TMEM209: variants seen among roughly 807,000 people sequenced by gnomAD.
TMEM209 encodes transmembrane protein 209, also known as testicular tissue protein Li 202.
A neutral mutation model predicts 76.2 loss-of-function variants in TMEM209; 65 were observed. That is an observed-to-expected ratio of 0.85 (90% CI 0.70 to 1.05). The LOEUF is 1.05. TMEM209 is among the 50% of genes least tolerant of loss of function. The pLI is 0.00. For missense variants in TMEM209, 623 were observed against 685.5 expected, an observed-to-expected ratio of 0.91 and a Z score of 1.02; for synonymous variants, 239 against 237.6, an observed-to-expected ratio of 1.01 and a Z score of -0.06.
chr7:130,187,900 T>C (rs539940884), intron 6 of TMEM209, among the ~76,000 whole-genome samples: 4 of 152,018 alleles, frequency 2.6e-5, no homozygotes, highest in African/African-American at 9.6e-5. Context: ...AGAAATTACA[T>C]CAATCACAAG....
At chr7:130,174,653 G>A (rs958196156) in intron 11 of TMEM209, among the ~76,000 whole-genome samples, 2 of 152,100 alleles carry the variant, frequency 1.3e-5, no homozygotes, top group Admixed American at 1.3e-4. Context: ...TGAAAAACTT[G>A]TAAGCACACA....
intron 7 of TMEM209, 57 bp downstream of exon 7, chr7:130,185,135 A>G: frequency 6.5e-7 from 1 of 1,528,826 alleles, no homozygotes; most frequent in Non-Finnish European, 8.8e-7. Context: ...CAGAAGTAGA[A>G]GACTTTCTAA....
At chr7:130,205,329 T>C (rs780525117) in intron 1 of TMEM209, 44 bp downstream of exon 1, 27 of 1,613,672 alleles carry the variant, frequency 1.7e-5, no homozygotes, top group African/African-American at 1.2e-4. Flanking sequence ...ACAACCCGCG[T>C]AGATTCCAAG....
intron 13 of TMEM209, among the ~76,000 whole-genome samples, chr7:130,170,860 G>A (rs1481189406): frequency 4.0e-5 from 6 of 148,806 alleles, no homozygotes; most frequent in South Asian, 4.2e-4. Flanking sequence ...ATGGAGTCTC[G>A]CTGTGTCGTC....
Position 130,184,241 on chromosome 7 carries a change from C to T in TMEM209, c.966G>A (p.Val322=). 6.2e-7 allele frequency: 1 copy of T among 1,604,766 alleles called. No individual in the cohort carries two copies. The highest frequency in any genetic ancestry group is 8.5e-7 in the Non-Finnish European group (1 of 1,176,136). The change falls in exon 8 of 15, where the codon GTG becomes GTA. Residue 322 remains valine, a synonymous_variant. Coordinates refer to ENST00000397622, the MANE Select transcript of TMEM209 (RefSeq NM_032842.4). ...KQAAEEVWAR[V]AMNRQLLDHM... The stretch of plus-strand genomic sequence containing the variant: ...GATCAAGAAGTTGTCTATTCATAGC[C>T]ACTCTTGCCCAGACCTATAAAAATT...
chr7:130,200,000 G>A (rs1798129799), intron 5 of TMEM209: 1 of 151,794 alleles, frequency 6.6e-6, no homozygotes, highest in Non-Finnish European at 1.5e-5. Context: ...ATCAATTTTA[G>A]CAAAAAACAA....
At chr7:130,205,202 T>G in intron 1 of TMEM209, 171 bp downstream of exon 1, 1 of 1,551,046 alleles carries the variant, frequency 6.4e-7, no homozygotes, top group Non-Finnish European at 8.7e-7. Context: ...CCCCGGCTCC[T>G]GGGCACGAAC....
chr7:130,166,416 A>T lies in TMEM209; in HGVS notation c.*35T>A, dbSNP rs1039004601. Reference sequence around the variant, plus strand: ...TTAGTTTCGACTTCTGGTTCAGTGAAATAGTCTAAATGTCAGAATTAAATA... The same window carrying T: ...TTAGTTTCGACTTCTGGTTCAGTGATATAGTCTAAATGTCAGAATTAAATA... On this transcript the variant is annotated 3_prime_UTR_variant, in exon 15 of 15. Transcript: ENST00000397622. 6 of 1,515,008 alleles carry T rather than the reference A, an allele frequency of 4.0e-6. No individual in the cohort carries two copies. Among genetic ancestry groups the T allele is most frequent in the Middle Eastern group, 1.7e-4 (1 of 5,852 alleles). 93.8% of individuals were successfully genotyped at this position (1,515,008 alleles called of 1,614,324 possible).
At chr7:130,201,826 T>C in intron 5 of TMEM209, 24 bp downstream of exon 5, 2 of 1,613,336 alleles carry the variant, frequency 1.2e-6, no homozygotes, top group Non-Finnish European at 1.7e-6. Context: ...ATAATGTGAC[T>C]AGACAAGAGA....
intron 13 of TMEM209, among the ~76,000 whole-genome samples, chr7:130,171,087 T>G (rs977481433): frequency 6.6e-6 from 1 of 151,956 alleles, no homozygotes; most frequent in Non-Finnish European, 1.5e-5. Flanking sequence ...GTTTCACACA[T>G]GGGGAGAAAC....
At chr7:130,203,221 C>T (rs1236254715) in intron 3 of TMEM209, among the ~76,000 whole-genome samples, 1 of 152,162 alleles carries the variant, frequency 6.6e-6, no homozygotes, top group Non-Finnish European at 1.5e-5. Context: ...AGCCAAGTGA[C>T]TCTTACAAGA....
intron 11 of TMEM209, chr7:130,175,228 G>A (rs1562886335): frequency 3.4e-6 from 1 of 296,008 alleles, no homozygotes; most frequent in Non-Finnish European, 6.2e-6. Flanking sequence ...TTGGGAAGCT[G>A]AGGCAGGGGG....
chr7:130,186,461 G>A (rs1176252683), intron 6 of TMEM209, among the ~76,000 whole-genome samples: 1 of 152,040 alleles, frequency 6.6e-6, no homozygotes. Flanking sequence ...ACTGACTTTA[G>A]GAATGAATTA....
chr7:130,190,008 G>A (rs1407173043), intron 6 of TMEM209, among the ~76,000 whole-genome samples: 1 of 152,038 alleles, frequency 6.6e-6, no homozygotes, highest in Non-Finnish European at 1.5e-5. Context: ...GCGGGCAGGG[G>A]GATTAGCTCA....
In TMEM209 at chr7:130,181,659, T is replaced by C. The variant is rs571419654; in HGVS notation, c.1084A>G (p.Met362Val). 118 of 1,612,720 alleles carry C rather than the reference T, an allele frequency of 7.3e-5. No homozygotes were observed. In the South Asian group the frequency reaches 1.2e-3, roughly 16 times the overall value. Reference protein sequence around the residue: ...VQEIESVSTQMRRMGCPELQI... With the variant: ...VQEIESVSTQVRRMGCPELQI... ...AGCTCTGGACAACCCATTCGTCTCA[T>C]CTGTGTGCTGACAGACTCAATCTCT... The change falls in exon 9 of 15, where the codon ATG becomes GTG. Residue 362 changes from methionine to valine, a missense_variant. By Grantham distance (21) the Met-to-Val change is conservative (BLOSUM62 1). Transcript: ENST00000397622.
chr7:130,166,513 G>C lies in TMEM209; in HGVS notation c.1632-8C>G. ...AGACCAAGATTAACTCTCCTATAAA[G>C]AGAAAAAAAATTTTTATTAGAATTG... On this transcript the variant is annotated splice_region_variant and splice_polypyrimidine_tract_variant and intron_variant, in intron 14 of 14. Transcript: ENST00000397622. 6.7e-7 allele frequency: 1 copy of C among 1,503,706 alleles called. No homozygotes were observed. Among genetic ancestry groups the C allele is most frequent in the Non-Finnish European group, 8.8e-7 (1 of 1,130,628 alleles). The allele number at this position is 1,503,706 out of a possible 1,614,324, so 93.1% of individuals were successfully genotyped here.
intron 6 of TMEM209, among the ~76,000 whole-genome samples, chr7:130,191,749 C>A (rs1481575298): frequency 2.6e-5 from 4 of 152,136 alleles, no homozygotes; most frequent in Non-Finnish European, 5.9e-5. Flanking sequence ...AAAGTGAAGT[C>A]AGAAAATATC....
chr7:130,179,085 G>A (rs1049811219), intron 9 of TMEM209, among the ~76,000 whole-genome samples: 9 of 152,080 alleles, frequency 5.9e-5, no homozygotes, highest in Non-Finnish European at 1.3e-4. Flanking sequence ...ATCGTGCCTG[G>A]CCCAAAGTAC....
In TMEM209 at chr7:130,203,854, A is replaced by AC. The variant is rs774730238; in HGVS notation, c.141-9_141-8insG. ...CTAATCAATTTTCCAGTCCTGAAAA[A>AC]AAATTAGAAAGGCTTTCCAGTGAAC... is the stretch of plus-strand genomic sequence containing the variant. On this transcript the variant is annotated splice_polypyrimidine_tract_variant and intron_variant, in intron 2 of 14. Coordinates refer to ENST00000397622, the MANE Select transcript of TMEM209 (RefSeq NM_032842.4). 1 of 1,600,000 alleles carries AC rather than the reference A, an allele frequency of 6.3e-7. No individual in the cohort carries two copies. The highest frequency in any genetic ancestry group is 1.1e-5 in the South Asian group (1 of 88,860).
Sources: allele counts gnomAD v4.1 joint callset (sites outside exome capture counted in the v4.1 genomes callset), GRCh38; gene constraint gnomAD v4.1.1; transcripts MANE v1.5; gene names NCBI Gene and HGNC (gene_info 2026-07-23, HGNC 2026-07-21).